The following ATE1 variants were observed in gnomAD, a reference collection of about 807,000 sequenced individuals.
ATE1 encodes arginyl-tRNA--protein transferase 1.
A neutral mutation model predicts 70.5 loss-of-function variants in ATE1; 36 were observed. That is an observed-to-expected ratio of 0.51 (90% confidence interval 0.39 to 0.67). ATE1 has a LOEUF of 0.67. ATE1 is among the 30% of genes least tolerant of loss of function. The probability of loss-of-function intolerance (pLI) is 0.00; values close to 1 mark genes in which losing one functional copy is unlikely to be tolerated. For synonymous variants in ATE1, 232 were observed against 219.3 expected, an observed-to-expected ratio of 1.06 and a Z score of -0.51; for missense variants, 593 against 629.5, an observed-to-expected ratio of 0.94 and a Z score of 0.62.
chr10:121,874,444 A>T (rs1249946208), intron 7 of ATE1, among the ~76,000 whole-genome samples: 2 of 152,242 alleles, frequency 1.3e-5, no homozygotes, highest in Non-Finnish European at 2.9e-5. Flanking sequence ...AAAGCAGCCA[A>T]AAGACACAGC....
intron 10 of ATE1, among the ~76,000 whole-genome samples, chr10:121,803,517 T>G (rs1177311702): frequency 6.6e-6 from 1 of 152,236 alleles, no homozygotes; most frequent in African/African-American, 2.4e-5. Flanking sequence ...CAATGTCCTA[T>G]GTTCCTGTTT....
Position 121,899,927 on chromosome 10 carries a change from AC to A in ATE1, c.880del (p.Val294SerfsTer62). ...AATAACCATCTGGTAACGTTTATAG[AC>A]CTGGTAAGACTCCAGAAGTGTGGCT... ...FKATLLESYQVYKRYQMVIHK... is the reference protein window; with the variant it reads ...FKATLLESYQXYKRYQMVIHK... On this transcript the variant is annotated frameshift_variant, in exon 7 of 12. Coordinates refer to ENST00000224652, the MANE Select transcript of ATE1 (RefSeq NM_001001976.3). LOFTEE classifies it high-confidence loss of function. 2 of 1,614,010 alleles carry A rather than the reference AC, an allele frequency of 1.2e-6. No homozygotes were observed. Among genetic ancestry groups the A allele is most frequent in the Non-Finnish European group, 1.7e-6 (2 of 1,179,932 alleles).
intron 11 of ATE1, among the ~76,000 whole-genome samples, chr10:121,765,268 TCCAC>T (rs1945229134): frequency 6.6e-6 from 1 of 152,150 alleles, no homozygotes; most frequent in South Asian, 2.1e-4. Flanking sequence ...TGAGGGTTCA[TCCAC>T]CCTTCAGTAC....
At chr10:121,900,585 G>A (rs1199920158) in intron 6 of ATE1, among the ~76,000 whole-genome samples, 4 of 152,272 alleles carry the variant, frequency 2.6e-5, no homozygotes, top group Middle Eastern at 6.8e-3. Context: ...GTAATTGCAC[G>A]CAGTAATGGC....
intron 7 of ATE1, among the ~76,000 whole-genome samples, chr10:121,877,554 G>A (rs1950093618): frequency 6.6e-6 from 1 of 152,018 alleles, no homozygotes; most frequent in Non-Finnish European, 1.5e-5. Context: ...AACTCTCACA[G>A]TCAATAAGGA....
intron 8 of ATE1, among the ~76,000 whole-genome samples, chr10:121,842,887 C>G (rs935440148): frequency 2.0e-5 from 3 of 152,132 alleles, no homozygotes; most frequent in Non-Finnish European, 4.4e-5. Context: ...CAAAAACCCA[C>G]AGCTCACAGC....
chr10:121,915,911 C>CA (rs1299300530), intron 3 of ATE1, among the ~76,000 whole-genome samples: 67 of 133,148 alleles, frequency 5.0e-4, no homozygotes, highest in East Asian at 2.5e-3. Flanking sequence ...CAAAACAAAA[C>CA]AAAACAAAAA....
At chr10:121,875,296 TGGTTTTTTTTTG>T (rs1950009596) in intron 7 of ATE1, among the ~76,000 whole-genome samples, 1 of 123,166 alleles carries the variant, frequency 8.1e-6, no homozygotes, top group African/African-American at 3.0e-5. Flanking sequence ...GGTTTTTTTT[TGGTTTTTTTTTG>T]TTTTTTTTTT....
At chr10:121,780,119 CAG>C (rs1387309422) in intron 11 of ATE1, among the ~76,000 whole-genome samples, 2 of 152,188 alleles carry the variant, frequency 1.3e-5, no homozygotes, top group African/African-American at 2.4e-5. Context: ...AAGATTTCAT[CAG>C]AGTTTCAGAC....
chr10:121,847,439 C>CT (rs1172000993), intron 8 of ATE1, among the ~76,000 whole-genome samples: 2 of 150,232 alleles, frequency 1.3e-5, no homozygotes, highest in Non-Finnish European at 3.0e-5. Context: ...CAGAGCGAGA[C>CT]TCTGTCTCAA....
At position 121,778,628 on chromosome 10, in the gene ATE1, G is replaced by C. The variant is rs1462380062; in HGVS notation, c.1378+11541C>G. 2.5e-4 allele frequency among the ~76,000 whole-genome samples: 30 copies of C among 119,956 alleles called. 1 individual carries two copies. Among genetic ancestry groups the C allele is most frequent in the South Asian group, 8.5e-4 (3 of 3,516 alleles). The allele number at this position is 119,956 out of a possible 152,430, so 78.7% of individuals were successfully genotyped here. A position where few individuals can be genotyped will look rare whatever the true frequency, so the allele number is the denominator to read the frequency against. On this transcript the variant is annotated intron_variant, in intron 11 of 11. Coordinates refer to ENST00000224652, the MANE Select transcript of ATE1 (RefSeq NM_001001976.3). ...GTCCTGCTCTGTCGCCCAGGCTGGA[G>C]TTGATCTCACTCTCTGGGCTTCCTC... is the stretch of plus-strand genomic sequence containing the variant.
intron 11 of ATE1, among the ~76,000 whole-genome samples, chr10:121,770,649 T>C (rs1945473165): frequency 2.0e-5 from 3 of 151,838 alleles, no homozygotes; most frequent in African/African-American, 4.8e-5. Flanking sequence ...AAGTCTGACC[T>C]GACTTAATAA....
intron 11 of ATE1, among the ~76,000 whole-genome samples, chr10:121,778,857 C>T: frequency 6.6e-6 from 1 of 152,138 alleles, no homozygotes; most frequent in Non-Finnish European, 1.5e-5. Context: ...CCTGCCTCTG[C>T]CTCCCAAAGT....
intron 5 of ATE1, among the ~76,000 whole-genome samples, chr10:121,902,952 G>A (rs368522893): frequency 2.6e-5 from 4 of 151,994 alleles, no homozygotes; most frequent in South Asian, 4.2e-4. Flanking sequence ...TGCAACCTCC[G>A]CCTCCCAGGT....
chr10:121,795,283 ATATT>A (rs1419755685), intron 10 of ATE1, among the ~76,000 whole-genome samples: 28 of 152,298 alleles, frequency 1.8e-4, no homozygotes, highest in Admixed American at 1.4e-3. Context: ...TAAAAAAAGA[ATATT>A]TAGTCAATGA....
intron 11 of ATE1, among the ~76,000 whole-genome samples, chr10:121,774,693 A>AC (rs1945660727): frequency 6.6e-6 from 1 of 152,194 alleles, no homozygotes; most frequent in Admixed American, 6.5e-5. Flanking sequence ...TACTAAGGGA[A>AC]CTTCGATCTA....
intron 1 of ATE1, among the ~76,000 whole-genome samples, chr10:121,925,436 A>T (rs1952047383): frequency 6.6e-6 from 1 of 152,028 alleles, no homozygotes; most frequent in Non-Finnish European, 1.5e-5. Context: ...TCAAAAAAAA[A>T]AAAAAAGAAA....
chr10:121,790,082 T>C, intron 11 of ATE1, 87 bp downstream of exon 11: 2 of 1,564,870 alleles, frequency 1.3e-6, no homozygotes, highest in East Asian at 2.2e-5. Flanking sequence ...CAAAGCTACC[T>C]GGACCCTGTT....
chr10:121,926,418 C>T (rs1298439207), intron 1 of ATE1, among the ~76,000 whole-genome samples: 2 of 152,024 alleles, frequency 1.3e-5, no homozygotes, highest in Non-Finnish European at 2.9e-5. Context: ...AAAAATAAAA[C>T]TCACCTACCA....
Sources: allele counts gnomAD v4.1 joint callset (sites outside exome capture counted in the v4.1 genomes callset), GRCh38; gene constraint gnomAD v4.1.1; transcripts MANE v1.5; gene names NCBI Gene and HGNC (gene_info 2026-07-23, HGNC 2026-07-21).